The following BEND4 variants were observed in gnomAD, a reference collection of about 807,000 sequenced individuals.
The protein encoded by BEND4 is BEN domain containing 4, also known as BEN domain-containing protein 4.
BEND4 carries 27 observed loss-of-function variants against 54.7 expected under a neutral mutation model. That is an observed-to-expected ratio of 0.49 (90% CI 0.36 to 0.68). The LOEUF is 0.68. Among genes scored for constraint, BEND4 ranks in the 30% least tolerant of loss-of-function variants. The probability of loss-of-function intolerance (pLI) is 0.00; values close to 1 mark genes in which losing one functional copy is unlikely to be tolerated. For missense variants in BEND4, 702 were observed against 697.2 expected (o/e 1.01, Z -0.08); for synonymous variants, 327 against 299.5 (o/e 1.09, Z -0.95).
chr4:42,129,897 T>G (rs1468382666), intron 3 of BEND4, among the ~76,000 whole-genome samples: 1 of 152,018 alleles, frequency 6.6e-6, no homozygotes, highest in African/African-American at 2.4e-5. Context: ...AAGCAAAAAT[T>G]GACAGATAGG....
At chr4:42,131,016 C>T (rs1186332450) in intron 3 of BEND4, among the ~76,000 whole-genome samples, 7 of 151,944 alleles carry the variant, frequency 4.6e-5, no homozygotes. Context: ...AGCTAAACAA[C>T]GAGAATACGT....
Position 42,125,565 on chromosome 4 carries a change from T to G in BEND4, c.1146+18A>C, listed in dbSNP as rs1247055936. The G allele has an allele frequency of 1.3e-6, 2 of 1,594,146 alleles. No homozygotes were observed. Among genetic ancestry groups the G allele is most frequent in the South Asian group, 2.2e-5 (2 of 90,582 alleles). On this transcript the variant is annotated intron_variant, in intron 4 of 5. Transcript: ENST00000502486. The stretch of plus-strand genomic sequence containing the variant: ...GAGAATTCCAAATGGAACATTCACC[T>G]TTTTACCAGAGACCTACCTCTGTCG...
In BEND4 at chr4:42,116,219, T is replaced by C. The variant is rs1719825476; in HGVS notation, c.*1299A>G. 2 of 152,206 alleles carry C rather than the reference T, an allele frequency of 1.3e-5. No homozygotes were observed. Among genetic ancestry groups the C allele is most frequent in the Admixed American group, 6.5e-5 (1 of 15,282 alleles). 9.4% of individuals were successfully genotyped at this position (152,206 alleles called of 1,614,324 possible). ...AGTAGCCTTCAATAAACGCTGTCCA[T>C]TTAGCCCTTTGCTCTACAAAGAATG... On this transcript the variant is annotated 3_prime_UTR_variant, in exon 6 of 6. Coordinates refer to ENST00000502486, the MANE Select transcript of BEND4 (RefSeq NM_207406.4).
chr4:42,144,645 A>T (rs773299368), intron 2 of BEND4, among the ~76,000 whole-genome samples: 1 of 152,222 alleles, frequency 6.6e-6, no homozygotes, highest in African/African-American at 2.4e-5. Flanking sequence ...CTTCTTGTCA[A>T]GGCCAATGTT....
intron 3 of BEND4, among the ~76,000 whole-genome samples, chr4:42,139,504 A>G (rs184484887): frequency 8.0e-5 from 12 of 150,700 alleles, no homozygotes; most frequent in African/African-American, 2.9e-4. Context: ...TGCCCAAGTG[A>G]AATCATTTTT....
chr4:42,152,087 C>A lies in BEND4; in HGVS notation c.57G>T (p.Lys19Asn). ...EEGPSVPKIY[K>N]QRSPYSVLKT... The stretch of plus-strand genomic sequence containing the variant: ...TGAGGACGCTGTAGGGGCTGCGCTG[C>A]TTGTAGATTTTGGGGACGCTGGGCC... Residue 19 changes from lysine (K) to asparagine (N), a missense_variant, in exon 2 of 6, where the codon AAG becomes AAT. Coordinates refer to ENST00000502486, the MANE Select transcript of BEND4 (RefSeq NM_207406.4). The A allele has an allele frequency of 8.0e-7, 1 of 1,250,826 alleles. No homozygotes were observed. The highest frequency in any genetic ancestry group is 1.0e-6 in the Non-Finnish European group (1 of 989,310). The allele number at this position is 1,250,826 out of a possible 1,614,324, so 77.5% of individuals were successfully genotyped here. A position where few individuals can be genotyped will look rare whatever the true frequency, so the allele number is the denominator to read the frequency against.
At chr4:42,141,027 C>G (rs1720861717) in intron 3 of BEND4, among the ~76,000 whole-genome samples, 1 of 150,716 alleles carries the variant, frequency 6.6e-6, no homozygotes, top group South Asian at 2.1e-4. Context: ...CTTGTAAAAT[C>G]CCACAGTGTG....
In BEND4 at chr4:42,120,086, G is replaced by C. The variant is rs753922179; in HGVS notation, c.1355C>G (p.Pro452Arg). 6.2e-7 allele frequency: 1 copy of C among 1,613,998 alleles called. No individual in the cohort carries two copies. Among genetic ancestry groups the C allele is most frequent in the South Asian group, 1.1e-5 (1 of 91,066 alleles). ...QSGETGPERR[P>R]LDPVKVTCLR... ...GCATGTTACTTTAACTGGATCCAGA[G>C]GGCGTCTTTCGGGACCTGTCTCTCC... Residue 452 changes from proline (P) to arginine (R), a missense_variant, in exon 5 of 6, where the codon CCT becomes CGT. Physicochemically the swap from Pro to Arg is moderately radical, Grantham distance 103. Transcript: ENST00000502486.
chr4:42,126,892 A>G (rs904759841), intron 3 of BEND4, among the ~76,000 whole-genome samples: 3 of 152,178 alleles, frequency 2.0e-5, no homozygotes. Context: ...AAAAAGAACA[A>G]AAGATAAAGG....
chr4:42,123,368 C>T (rs184371280), intron 4 of BEND4, among the ~76,000 whole-genome samples: 58 of 151,978 alleles, frequency 3.8e-4, no homozygotes, highest in Non-Finnish European at 7.4e-4. Flanking sequence ...TAGCCACCCA[C>T]AGGTTATTAA....
At chr4:42,119,972 T>G in intron 5 of BEND4, 82 bp downstream of exon 5, 1 of 1,547,314 alleles carries the variant, frequency 6.5e-7, no homozygotes, top group Non-Finnish European at 8.9e-7. Context: ...TACAGAAGGC[T>G]GAACACTTGT....
intron 3 of BEND4, among the ~76,000 whole-genome samples, chr4:42,137,594 C>G (rs968938357): frequency 6.6e-6 from 1 of 152,032 alleles, no homozygotes; most frequent in Non-Finnish European, 1.5e-5. Context: ...AGAACAACCA[C>G]AAAATTTTCA....
intron 4 of BEND4, among the ~76,000 whole-genome samples, chr4:42,122,747 A>G (rs1406524230): frequency 1.3e-5 from 2 of 152,194 alleles, no homozygotes; most frequent in Non-Finnish European, 1.5e-5. Flanking sequence ...TTAACACCAT[A>G]TAATTTTTAA....
chr4:42,151,065 G>A (rs746851438), intron 2 of BEND4: 5 of 151,644 alleles, frequency 3.3e-5, no homozygotes, highest in African/African-American at 1.2e-4. Flanking sequence ...GGGACAGAGC[G>A]AGACAGAGCG....
intron 3 of BEND4, among the ~76,000 whole-genome samples, chr4:42,131,246 A>G (rs1021402993): frequency 1.3e-5 from 2 of 152,234 alleles, no homozygotes; most frequent in Non-Finnish European, 2.9e-5. Context: ...AAATAAATTT[A>G]CATTAAGTCC....
intron 5 of BEND4, among the ~76,000 whole-genome samples, chr4:42,119,722 T>G (rs1317734645): frequency 6.6e-6 from 1 of 152,178 alleles, no homozygotes; most frequent in East Asian, 1.9e-4. Flanking sequence ...TAAAAAAATT[T>G]TCCACACCTT....
chr4:42,128,235 A>G (rs754190349), intron 3 of BEND4, among the ~76,000 whole-genome samples: 7 of 152,244 alleles, frequency 4.6e-5, no homozygotes, highest in Admixed American at 2.0e-4. Context: ...TCCACAGCCA[A>G]TATCATACTG....
intron 2 of BEND4, chr4:42,151,433 C>G (rs1560586742): frequency 2.8e-6 from 1 of 359,362 alleles, no homozygotes; most frequent in Non-Finnish European, 4.9e-6. Context: ...GGGATCCAAG[C>G]CGCGGAGCCA....
chr4:42,111,595 CA>C lies in BEND4; in HGVS notation c.*5922del, dbSNP rs1719572814. The C allele has an allele frequency of 6.6e-6, 1 of 152,240 alleles. No homozygotes were observed. The highest frequency in any genetic ancestry group is 1.9e-4 in the East Asian group (1 of 5,178). 9.4% of individuals were successfully genotyped at this position (152,240 alleles called of 1,614,324 possible). ...AACACAGCCAAAGGGATGTGAAAGC[CA>C]AAACTACAGGAAAAAATCAACAGAT... On this transcript the variant is annotated 3_prime_UTR_variant, in exon 6 of 6. Coordinates refer to ENST00000502486, the MANE Select transcript of BEND4 (RefSeq NM_207406.4).
Sources: gnomAD v4.1 joint callset for allele counts (sites outside exome capture counted in the v4.1 genomes callset) on GRCh38, gnomAD v4.1.1 for gene constraint, MANE v1.5 for transcripts, NCBI Gene and HGNC (gene_info 2026-07-23, HGNC 2026-07-21) for gene names.